LRRTM4: variants seen among roughly 807,000 people sequenced by gnomAD.
LRRTM4 encodes leucine-rich repeat transmembrane neuronal protein 4.
In LRRTM4, 25 loss-of-function variants were observed where a neutral mutation model predicts 47.6. The observed-to-expected ratio is 0.53, with a 90% confidence interval of 0.38 to 0.73. The LOEUF (loss-of-function observed/expected upper bound fraction) is 0.73, where lower values mean the gene tolerates loss of function less well. LRRTM4 is among the 30% of genes least tolerant of loss of function. LRRTM4 has a pLI of 0.00. For missense variants in LRRTM4, 638 were observed against 713.4 expected (o/e 0.89, Z 1.20); for synonymous variants, 311 against 269.5 (o/e 1.15, Z -1.51).
At chr2:76,974,171 T>C (rs1453444238) in intron 3 of LRRTM4, among the ~76,000 whole-genome samples, 1 of 80,674 alleles carries the variant, frequency 1.2e-5, no homozygotes, top group East Asian at 2.9e-4. Context: ...TATATATACA[T>C]ACATATATAT....
At chr2:77,142,796 C>T (rs549046745) in intron 3 of LRRTM4, among the ~76,000 whole-genome samples, 8 of 152,220 alleles carry the variant, frequency 5.3e-5, no homozygotes, top group South Asian at 2.1e-4. Context: ...TCTCATAACA[C>T]GTAATCTCTA....
At chr2:76,972,809 T>A (rs1249055996) in intron 3 of LRRTM4, among the ~76,000 whole-genome samples, 1 of 152,014 alleles carries the variant, frequency 6.6e-6, no homozygotes. Context: ...TCATGGCATT[T>A]GAAATCCCGG....
At position 76,856,065 on chromosome 2, in the gene LRRTM4, TC is replaced by T. The variant is rs549227544; in HGVS notation, c.1552-107150del. ...GCCAAGGTGGGCGGATTACCTGAGG[TC>T]AGGAGTTTGAGACCAGCCTGGCCAA... On this transcript the variant is annotated intron_variant, in intron 3 of 3. Transcript: ENST00000409884. 9.3e-4 allele frequency among the ~76,000 whole-genome samples: 142 copies of T among 152,228 alleles called. 3 individuals are homozygous for T. Among genetic ancestry groups the T allele is most frequent in the Admixed American group, 2.4e-3 (37 of 15,292 alleles).
At chr2:76,904,154 C>T (rs527445366) in intron 3 of LRRTM4, among the ~76,000 whole-genome samples, 2 of 152,172 alleles carry the variant, frequency 1.3e-5, no homozygotes, top group African/African-American at 4.8e-5. Flanking sequence ...AATTGAGACT[C>T]AGACATAATT....
At chr2:77,447,676 A>G (rs1385737216) in intron 3 of LRRTM4, among the ~76,000 whole-genome samples, 2 of 151,932 alleles carry the variant, frequency 1.3e-5, no homozygotes, top group African/African-American at 2.4e-5. Context: ...CTTTTTTTTG[A>G]TGTTTGTCTT....
At chr2:77,412,090 C>T (rs959777602) in intron 3 of LRRTM4, among the ~76,000 whole-genome samples, 6 of 151,492 alleles carry the variant, frequency 4.0e-5, no homozygotes, top group African/African-American at 1.5e-4. Context: ...TCCCTGAATT[C>T]CACAGGCTGA....
intron 3 of LRRTM4, among the ~76,000 whole-genome samples, chr2:76,984,483 G>A (rs1482092974): frequency 6.6e-6 from 1 of 151,904 alleles, no homozygotes; most frequent in Non-Finnish European, 1.5e-5. Flanking sequence ...CGATATGTAT[G>A]CATGGCCATG....
intron 3 of LRRTM4, among the ~76,000 whole-genome samples, chr2:77,264,387 TAA>T (rs963640540): frequency 2.0e-5 from 3 of 152,064 alleles, no homozygotes; most frequent in Admixed American, 2.0e-4. Context: ...TCTTTTTGTA[TAA>T]AGATAATTAC....
At chr2:77,171,269 TTTGC>T (rs1163731171) in intron 3 of LRRTM4, among the ~76,000 whole-genome samples, 19 of 152,088 alleles carry the variant, frequency 1.2e-4, no homozygotes, top group Non-Finnish European at 1.5e-5. Flanking sequence ...TTGTTGTTTG[TTTGC>T]TTGCTTGCTT....
chr2:77,321,472 CTGAAGTGTTTTAACTTTCCCAGGTTGTTA>C (rs1433004707), intron 3 of LRRTM4, among the ~76,000 whole-genome samples: 1 of 137,658 alleles, frequency 7.3e-6, no homozygotes, highest in Non-Finnish European at 1.5e-5. Context: ...AAAATCCAAA[CTGAAGTGTTTTAACTTTCCCAGGTTGTTA>C]CCTGATTCTC....
At chr2:77,346,646 C>T (rs1000082430) in intron 3 of LRRTM4, among the ~76,000 whole-genome samples, 1 of 151,880 alleles carries the variant, frequency 6.6e-6, no homozygotes, top group Admixed American at 6.6e-5. Context: ...AGAAAATAAT[C>T]ATGGATATAG....
chr2:76,786,094 A>C (rs537744397), intron 3 of LRRTM4, among the ~76,000 whole-genome samples: 17 of 152,198 alleles, frequency 1.1e-4, no homozygotes, highest in African/African-American at 3.9e-4. Context: ...CACATTTTCA[A>C]CCCTCACCTC....
chr2:76,902,865 T>C (rs1055660309), intron 3 of LRRTM4, among the ~76,000 whole-genome samples: 8 of 152,262 alleles, frequency 5.3e-5, no homozygotes, highest in Middle Eastern at 3.4e-3. Flanking sequence ...TTTTCGAAAA[T>C]GCTATCATGT....
rs1672738992 is a variant in LRRTM4 at position 76,748,772 on chromosome 2, C to T, written c.1696G>A (p.Gly566Ser). The T allele has an allele frequency of 7.4e-6, 12 of 1,613,860 alleles. No homozygotes were observed. Among genetic ancestry groups the T allele is most frequent in the South Asian group, 3.3e-5 (3 of 91,086 alleles). ...GTGGCGATGAAGCTGTGGTCTCGGC[C>T]CAGCTCCAGGCCGGGGCTTTCGTCC... Reference protein sequence around the residue: ...EQDESPGLELGRDHSFIATIA... With the variant: ...EQDESPGLELSRDHSFIATIA... The change falls in exon 4 of 4, where the codon GGC (glycine) becomes AGC (serine). Residue 566 changes from glycine (G) to serine (S), a missense_variant. Physicochemically the swap from Gly to Ser is moderately conservative, Grantham distance 56 (BLOSUM62 0). Transcript: ENST00000409884.
chr2:76,793,881 C>G (rs1415023760), intron 3 of LRRTM4, among the ~76,000 whole-genome samples: 2 of 152,138 alleles, frequency 1.3e-5, no homozygotes, highest in Non-Finnish European at 2.9e-5. Flanking sequence ...TTCGTATGAT[C>G]TAGGGAATAC....
At chr2:76,976,206 G>A (rs536904971) in intron 3 of LRRTM4, among the ~76,000 whole-genome samples, 5 of 151,182 alleles carry the variant, frequency 3.3e-5, no homozygotes, top group South Asian at 4.2e-4. Flanking sequence ...CTTGCTTATC[G>A]TGTCATTAAC....
intron 3 of LRRTM4, among the ~76,000 whole-genome samples, chr2:77,482,360 G>T (rs964158125): frequency 6.6e-6 from 1 of 151,876 alleles, no homozygotes; most frequent in Non-Finnish European, 1.5e-5. Flanking sequence ...AAATGAAGAG[G>T]CAGAGAAATA....
intron 3 of LRRTM4, among the ~76,000 whole-genome samples, chr2:77,027,068 A>G (rs1192666692): frequency 6.6e-6 from 1 of 152,094 alleles, no homozygotes; most frequent in Admixed American, 6.5e-5. Context: ...AGATTACAAT[A>G]ATCCCTATAG....
intron 3 of LRRTM4, among the ~76,000 whole-genome samples, chr2:77,119,676 G>A (rs558039954): frequency 6.6e-5 from 10 of 151,826 alleles, no homozygotes; most frequent in East Asian, 1.9e-4. Flanking sequence ...TTAGAGAATC[G>A]TAAAAAAGAG....
Sources: allele counts gnomAD v4.1 joint callset (sites outside exome capture counted in the v4.1 genomes callset), GRCh38; gene constraint gnomAD v4.1.1; transcripts MANE v1.5; gene names NCBI Gene and HGNC (gene_info 2026-07-23, HGNC 2026-07-21).